MRPS21: variants seen among roughly 807,000 people sequenced by gnomAD.
The protein encoded by MRPS21 is small ribosomal subunit protein bS21m.
MRPS21 carries 8 observed loss-of-function variants against 9.9 expected under a neutral mutation model. That is an observed-to-expected ratio of 0.81 (90% CI 0.47 to 1.45). The LOEUF (loss-of-function observed/expected upper bound fraction) is 1.45. MRPS21 is among the 40% of genes most tolerant of loss of function. The probability of loss-of-function intolerance (pLI) is 0.00; values close to 1 mark genes in which losing one functional copy is unlikely to be tolerated. For synonymous variants in MRPS21, 40 were observed against 40.3 expected (o/e 0.99, Z 0.03); for missense variants, 101 against 118.9 (o/e 0.85, Z 0.70).
intron 2 of MRPS21, among the ~76,000 whole-genome samples, chr1:150,302,209 A>G (rs1456528720): frequency 1.3e-5 from 2 of 152,134 alleles, no homozygotes; most frequent in Non-Finnish European, 2.9e-5. Context: ...GTCTAGAGGG[A>G]GGTGATTAAA....
chr1:150,307,892 G>C (rs1553858774), intron 2 of MRPS21, among the ~76,000 whole-genome samples, 156 bp from the exon 3 acceptor site: 1 of 152,060 alleles, frequency 6.6e-6, no homozygotes. Flanking sequence ...TTCTTATTGA[G>C]GCCTTTGTAA....
intron 2 of MRPS21, among the ~76,000 whole-genome samples, chr1:150,297,626 G>A (rs587638724): frequency 5.9e-4 from 90 of 151,704 alleles, no homozygotes; most frequent in Non-Finnish European, 1.0e-3. Context: ...AGCCAGAATC[G>A]TGCCACTGCA....
chr1:150,298,580 A>G (rs1653996891), intron 2 of MRPS21, among the ~76,000 whole-genome samples: 1 of 152,158 alleles, frequency 6.6e-6, no homozygotes, highest in Non-Finnish European at 1.5e-5. Context: ...AAACAACAAA[A>G]TTTGTGGTAC....
At chr1:150,307,373 T>TTTTTAC (rs1654380169) in intron 2 of MRPS21, among the ~76,000 whole-genome samples, 1 of 6,004 alleles carries the variant, frequency 1.7e-4, no homozygotes, top group Non-Finnish European at 4.2e-4. Flanking sequence ...TTTTTTTTCC[T>TTTTTAC]TTGAGTCAAG....
chr1:150,304,648 G>A (rs587691297), intron 2 of MRPS21: 18 of 202,304 alleles, frequency 8.9e-5, no homozygotes, highest in African/African-American at 3.3e-4. Context: ...CCAGCTACTC[G>A]GGAGCCTGAG....
chr1:150,294,833 GGTT>G (rs1194117876), intron 2 of MRPS21, among the ~76,000 whole-genome samples: 9 of 148,822 alleles, frequency 6.0e-5, no homozygotes, highest in Non-Finnish European at 1.2e-4. Flanking sequence ...GGGAGGCAGA[GGTT>G]GTAGTGAGCC....
chr1:150,308,493 A>T lies in MRPS21; in HGVS notation c.*265A>T. 3.1e-6 allele frequency: 1 copy of T among 324,506 alleles called. No individual in the cohort carries two copies. Among genetic ancestry groups the T allele is most frequent in the Non-Finnish European group, 5.8e-6 (1 of 172,222 alleles). The allele number at this position is 324,506 out of a possible 1,614,324, so 20.1% of individuals were successfully genotyped here. A position where few individuals can be genotyped will look rare whatever the true frequency, so the allele number is the denominator to read the frequency against. On this transcript the variant is annotated 3_prime_UTR_variant, in exon 3 of 3. Coordinates refer to ENST00000614145, the MANE Select transcript of MRPS21 (RefSeq NM_031901.6). ...CTGGAGGAGGGGGCAGTGAGGAGTT[A>T]TTGTTTAATGGGTACAGAGTTTCAG...
chr1:150,299,572 AG>A (rs1200351582), intron 2 of MRPS21, among the ~76,000 whole-genome samples: 8 of 152,076 alleles, frequency 5.3e-5, no homozygotes, highest in Non-Finnish European at 8.8e-5. Context: ...CTCCTGCCTC[AG>A]CCCCCCGTGT....
chr1:150,303,261 C>T (rs1456421889), intron 2 of MRPS21, among the ~76,000 whole-genome samples: 1 of 151,868 alleles, frequency 6.6e-6, no homozygotes, highest in Non-Finnish European at 1.5e-5. Context: ...TCTCTCAAAT[C>T]CAGTCTCCTT....
chr1:150,300,300 G>A (rs1262718960), intron 2 of MRPS21, among the ~76,000 whole-genome samples: 1 of 151,644 alleles, frequency 6.6e-6, no homozygotes, highest in Admixed American at 6.6e-5. Context: ...CCGAGATCGC[G>A]CCACTGCACT....
intron 2 of MRPS21, chr1:150,304,183 C>T: frequency 2.8e-6 from 1 of 354,100 alleles, no homozygotes; most frequent in Non-Finnish European, 5.7e-6. Flanking sequence ...TGGTGGTACG[C>T]CCCTGTAATC....
chr1:150,302,488 A>G (rs781794042), intron 2 of MRPS21, among the ~76,000 whole-genome samples: 69 of 152,154 alleles, frequency 4.5e-4, no homozygotes, highest in Non-Finnish European at 4.4e-4. Context: ...CCTTCTGCAT[A>G]CACGTCTGTC....
At chr1:150,297,160 A>G (rs1383291919) in intron 2 of MRPS21, among the ~76,000 whole-genome samples, 3 of 152,072 alleles carry the variant, frequency 2.0e-5, no homozygotes, top group African/African-American at 7.2e-5. Context: ...GCGTGGTGGC[A>G]CACACCTGTA....
chr1:150,294,518 C>T (rs1653842874), intron 2 of MRPS21, 69 bp downstream of exon 2: 8 of 1,320,332 alleles, frequency 6.1e-6, no homozygotes, highest in Non-Finnish European at 8.7e-6. Context: ...TCTCCCTTCC[C>T]CTTTCGTTGA....
intron 2 of MRPS21, among the ~76,000 whole-genome samples, chr1:150,302,518 C>CT (rs1171042295): frequency 1.3e-5 from 2 of 152,184 alleles, no homozygotes; most frequent in Non-Finnish European, 2.9e-5. Context: ...ACTGGCTACA[C>CT]TGACATGTGA....
intron 2 of MRPS21, among the ~76,000 whole-genome samples, chr1:150,296,404 T>C (rs1366678878): frequency 6.6e-6 from 1 of 152,164 alleles, no homozygotes; most frequent in Non-Finnish European, 1.5e-5. Context: ...GCTTGTTGAG[T>C]TGAATTATCA....
intron 2 of MRPS21, among the ~76,000 whole-genome samples, chr1:150,297,383 G>A (rs1284174688): frequency 1.3e-5 from 2 of 148,784 alleles, no homozygotes; most frequent in African/African-American, 4.9e-5. Context: ...AAAGGATCTG[G>A]TCTTAGGGTC....
intron 2 of MRPS21, among the ~76,000 whole-genome samples, chr1:150,298,356 T>C (rs1310164866): frequency 6.6e-6 from 1 of 152,212 alleles, no homozygotes; most frequent in East Asian, 1.9e-4. Flanking sequence ...GACTTCTCCC[T>C]GTAAATCTTC....
intron 2 of MRPS21, among the ~76,000 whole-genome samples, chr1:150,306,892 C>T (rs1306611779): frequency 5.3e-5 from 8 of 152,044 alleles, no homozygotes; most frequent in Non-Finnish European, 1.2e-4. Flanking sequence ...CTGAAATGCC[C>T]CATTAGTTGA....
Sources: gnomAD v4.1 joint callset for allele counts (sites outside exome capture counted in the v4.1 genomes callset) on GRCh38, gnomAD v4.1.1 for gene constraint, MANE v1.5 for transcripts, NCBI Gene and HGNC (gene_info 2026-07-23, HGNC 2026-07-21) for gene names.